GABBR2: variants seen among roughly 807,000 people sequenced by gnomAD.
GABBR2 encodes gamma-aminobutyric acid type B receptor subunit 2.
Under a neutral mutation model 105.6 loss-of-function variants are expected in GABBR2, and 23 were observed. That is an observed-to-expected ratio of 0.22 (90% CI 0.16 to 0.31). The LOEUF is 0.31. GABBR2 is among the 10% of genes least tolerant of loss of function. The probability of loss-of-function intolerance (pLI) is 1.00; values close to 1 mark genes in which losing one functional copy is unlikely to be tolerated. For missense variants in GABBR2, 734 were observed against 1,245.5 expected, an observed-to-expected ratio of 0.59 and a Z score of 6.18; for synonymous variants, 478 against 499.7, an observed-to-expected ratio of 0.96 and a Z score of 0.58.
chr9:98,489,003 A>G (rs958913869), intron 4 of GABBR2, among the ~76,000 whole-genome samples: 1 of 152,246 alleles, frequency 6.6e-6, no homozygotes, highest in Non-Finnish European at 1.5e-5. Context: ...ATTTCTATAA[A>G]GGTCCAGATA....
chr9:98,463,977 C>G (rs1426158752), intron 6 of GABBR2, among the ~76,000 whole-genome samples: 1 of 152,216 alleles, frequency 6.6e-6, no homozygotes, highest in Non-Finnish European at 1.5e-5. Context: ...GTGATCTTGG[C>G]TCGCTACAAC....
At chr9:98,495,083 G>C (rs569028501) in intron 4 of GABBR2, among the ~76,000 whole-genome samples, 3 of 152,228 alleles carry the variant, frequency 2.0e-5, no homozygotes, top group South Asian at 2.1e-4. Context: ...CTGTGACACT[G>C]CAGGGGGGAG....
intron 8 of GABBR2, among the ~76,000 whole-genome samples, chr9:98,403,993 G>T (rs1832445489): frequency 6.6e-6 from 1 of 151,896 alleles, no homozygotes; most frequent in Admixed American, 6.6e-5. Context: ...ACTGCTGTTT[G>T]CTGTACTGCC....
At chr9:98,508,175 C>T (rs888083826) in intron 3 of GABBR2, among the ~76,000 whole-genome samples, 1 of 152,178 alleles carries the variant, frequency 6.6e-6, no homozygotes, top group African/African-American at 2.4e-5. Context: ...TATAGGAAAT[C>T]AGCAATATGC....
At position 98,691,022 on chromosome 9, in the gene GABBR2, C is replaced by T. The variant is rs577771722; in HGVS notation, c.321+17395G>A. Among the ~76,000 whole-genome samples the T allele has an allele frequency of 2.0e-5, 3 of 152,338 alleles. No individual in the cohort carries two copies. The South Asian group carries it at 6.2e-4, about 32-fold the overall frequency. The stretch of plus-strand genomic sequence containing the variant: ...TCATCAAGAAAGCCATTAAGAGAAA[C>T]ATAAAGTTGATTGCATCTATTATGT... On this transcript the variant is annotated intron_variant, in intron 1 of 18. Transcript: ENST00000259455.
chr9:98,665,958 C>T (rs1250244506), intron 1 of GABBR2, among the ~76,000 whole-genome samples: 3 of 152,160 alleles, frequency 2.0e-5, no homozygotes, highest in African/African-American at 7.2e-5. Context: ...CCTGTCCTGC[C>T]CAAAGAGCCT....
chr9:98,502,672 A>T (rs1827428449), intron 3 of GABBR2, among the ~76,000 whole-genome samples: 1 of 152,142 alleles, frequency 6.6e-6, no homozygotes, highest in African/African-American at 2.4e-5. Context: ...CCCTCCATGG[A>T]TGCAAGGTGA....
intron 1 of GABBR2, among the ~76,000 whole-genome samples, chr9:98,648,110 TGTGTGTATAGATAG>T (rs1315031141): frequency 8.3e-5 from 9 of 108,974 alleles, no homozygotes; most frequent in African/African-American, 3.3e-4. Flanking sequence ...TGTGTGTGTG[TGTGTGTATAGATAG>T]ATAGATAGAT....
intron 2 of GABBR2, among the ~76,000 whole-genome samples, chr9:98,564,869 C>T (rs1228181984): frequency 1.3e-5 from 2 of 152,108 alleles, no homozygotes; most frequent in African/African-American, 4.8e-5. Context: ...ACGCTGGGTA[C>T]CTCCTCCAGC....
At chr9:98,298,930 T>C (rs1376076845) in intron 17 of GABBR2, among the ~76,000 whole-genome samples, 1 of 152,200 alleles carries the variant, frequency 6.6e-6, no homozygotes, top group Non-Finnish European at 1.5e-5. Flanking sequence ...GAAAATAAAA[T>C]GTGCCTGCCC....
intron 1 of GABBR2, among the ~76,000 whole-genome samples, chr9:98,652,666 A>G (rs1830125617): frequency 6.6e-6 from 1 of 152,214 alleles, no homozygotes; most frequent in Admixed American, 6.5e-5. Flanking sequence ...AGTAGGCTAA[A>G]GCCTTTCCCC....
chr9:98,394,327 C>T, intron 8 of GABBR2, 72 bp from the exon 9 acceptor site: 3 of 1,032,778 alleles, frequency 2.9e-6, no homozygotes, highest in East Asian at 2.4e-5. Flanking sequence ...CTATTCCAGG[C>T]TCTTGCTCCC....
intron 3 of GABBR2, chr9:98,538,597 G>A (rs1828227593): frequency 1.0e-6 from 1 of 984,586 alleles, no homozygotes; most frequent in African/African-American, 1.7e-5. Flanking sequence ...TCCCCAGGTG[G>A]GATGGCCCTC....
Position 98,389,013 on chromosome 9 carries a change from T to C in GABBR2, c.1379-9A>G, listed in dbSNP as rs745997681. 2 of 1,609,572 alleles carry C rather than the reference T, an allele frequency of 1.2e-6. No individual in the cohort carries two copies. The highest frequency in any genetic ancestry group is 1.7e-6 in the Non-Finnish European group (2 of 1,177,552). ...TTTTGGTGGTTCGGATCCTAGAGGA[T>C]CAAGAGAAGACATCAGTGGGACCCA... On this transcript the variant is annotated splice_polypyrimidine_tract_variant and intron_variant, in intron 9 of 18. Coordinates refer to ENST00000259455, the MANE Select transcript of GABBR2 (RefSeq NM_005458.8).
chr9:98,569,442 T>C (rs1588232543), intron 2 of GABBR2, among the ~76,000 whole-genome samples: 1 of 152,302 alleles, frequency 6.6e-6, no homozygotes, highest in African/African-American at 2.4e-5. Context: ...TAAACTCCAA[T>C]GGCCGTAATC....
chr9:98,424,567 G>A (rs1832840889), intron 7 of GABBR2, among the ~76,000 whole-genome samples: 2 of 151,948 alleles, frequency 1.3e-5, no homozygotes, highest in East Asian at 3.9e-4. Flanking sequence ...CGACATGATT[G>A]TATATCTAGA....
chr9:98,673,104 C>T (rs1029247115), intron 1 of GABBR2, among the ~76,000 whole-genome samples: 2 of 152,180 alleles, frequency 1.3e-5, no homozygotes, highest in African/African-American at 2.4e-5. Context: ...CCCATGTACA[C>T]GGAGATGGTG....
chr9:98,513,137 C>G (rs577246560), intron 3 of GABBR2, among the ~76,000 whole-genome samples: 5 of 152,266 alleles, frequency 3.3e-5, no homozygotes, highest in South Asian at 2.1e-4. Context: ...ACAAACCTGA[C>G]AAAAACAATC....
At chr9:98,348,094 T>A (rs1385624964) in intron 13 of GABBR2, among the ~76,000 whole-genome samples, 1 of 152,218 alleles carries the variant, frequency 6.6e-6, no homozygotes, top group Non-Finnish European at 1.5e-5. Flanking sequence ...CTTGGGTGTG[T>A]CTTTATTAGC....
Sources: gnomAD v4.1 joint callset for allele counts (sites outside exome capture counted in the v4.1 genomes callset) on GRCh38, gnomAD v4.1.1 for gene constraint, MANE v1.5 for transcripts, NCBI Gene and HGNC (gene_info 2026-07-23, HGNC 2026-07-21) for gene names.